Variants in ALKBH1 observed in about 807,000 individuals in gnomAD.
ALKBH1 encodes the protein alkB homolog 1, histone H2A dioxygenase, also known as nucleic acid dioxygenase ALKBH1.
ALKBH1 carries 31 observed loss-of-function variants against 36.6 expected under a neutral mutation model. The ratio of observed to expected loss-of-function variants is 0.85; its 90% CI spans 0.64 to 1.14. The LOEUF (loss-of-function observed/expected upper bound fraction) is 1.14. Among genes scored for constraint, ALKBH1 ranks in the 50% most tolerant of loss-of-function variants. The probability of loss-of-function intolerance (pLI) is 0.00; values close to 1 mark genes in which losing one functional copy is unlikely to be tolerated. For synonymous variants in ALKBH1, 183 were observed against 186.6 expected (o/e 0.98, Z 0.16); for missense variants, 490 against 497.3 (o/e 0.99, Z 0.14).
At chr14:77,707,278 TGA>T (rs956006299) in intron 1 of ALKBH1, among the ~76,000 whole-genome samples, 5 of 152,166 alleles carry the variant, frequency 3.3e-5, no homozygotes, top group Non-Finnish European at 7.3e-5. Flanking sequence ...GGGGAAAAGC[TGA>T]GAGAGAGAAC....
At chr14:77,693,442 A>C (rs919330570) in intron 3 of ALKBH1, among the ~76,000 whole-genome samples, 5 of 152,152 alleles carry the variant, frequency 3.3e-5, no homozygotes, top group Admixed American at 6.6e-5. Flanking sequence ...CTGCCTTTGA[A>C]TCTCTAACAC....
chr14:77,706,048 C>T (rs942100273), intron 1 of ALKBH1, among the ~76,000 whole-genome samples: 2 of 151,778 alleles, frequency 1.3e-5, no homozygotes, highest in Admixed American at 1.3e-4. Context: ...CAGTGAGACG[C>T]TGTCTCAGTA....
At chr14:77,703,760 G>A (rs28603114) in intron 2 of ALKBH1, among the ~76,000 whole-genome samples, 27,139 of 151,676 alleles carry the variant, frequency 0.18, 2,544 homozygotes, top group East Asian at 0.26. Flanking sequence ...ACCATGCCCA[G>A]CTAATTTTTG....
intron 3 of ALKBH1, among the ~76,000 whole-genome samples, chr14:77,685,726 C>T (rs1329676878): frequency 6.6e-6 from 1 of 151,454 alleles, no homozygotes; most frequent in African/African-American, 2.4e-5. Flanking sequence ...CAAGATTGTG[C>T]CACTGCACTC....
intron 2 of ALKBH1, among the ~76,000 whole-genome samples, chr14:77,697,614 A>G (rs1435615172): frequency 2.6e-5 from 4 of 151,400 alleles, no homozygotes; most frequent in Non-Finnish European, 5.9e-5. Context: ...TTATACGTTA[A>G]TAGGTTTGTA....
At chr14:77,677,050 T>TTG (rs2080210221) in intron 4 of ALKBH1, among the ~76,000 whole-genome samples, 1 of 152,112 alleles carries the variant, frequency 6.6e-6, no homozygotes, top group Non-Finnish European at 1.5e-5. Context: ...ATACTCTTTT[T>TTG]TTTTTTTGAG....
chr14:77,697,691 C>T (rs1434443915), intron 2 of ALKBH1, among the ~76,000 whole-genome samples: 1 of 115,128 alleles, frequency 8.7e-6, no homozygotes, highest in East Asian at 2.4e-4. Flanking sequence ...AAATCATTTG[C>T]TGTAATAAAA....
In ALKBH1 at chr14:77,674,082, G is replaced by A. The variant is rs751665359; in HGVS notation, c.900C>T (p.Gly300=). The change falls in exon 6 of 6, where the codon GGC becomes GGT. Residue 300 remains glycine (G), a synonymous_variant. Coordinates refer to ENST00000216489, the MANE Select transcript of ALKBH1 (RefSeq NM_006020.3). The part of the protein sequence containing the change: ...PRVLPNPEGE[G]LPHCLEAPLP... ...GAGGTGCCTCTAGGCAGTGAGGCAG[G>A]CCTTCCCCTTCTGGATTTGGAAGGA... is the stretch of plus-strand genomic sequence containing the variant. The A allele has an allele frequency of 8.7e-6, 14 of 1,614,036 alleles. No individual in the cohort carries two copies. The South Asian group carries it at 1.3e-4, about 15-fold the overall frequency.
rs1387090104 is a variant in ALKBH1 at position 77,708,010 on chromosome 14, G to A, written c.-6C>T. 6.2e-7 allele frequency: 1 copy of A among 1,607,680 alleles called. No individual in the cohort carries two copies. Among genetic ancestry groups the A allele is most frequent in the East Asian group, 2.2e-5 (1 of 44,776 alleles). ...GCCGCTGCCATCTTCCCCATCTCGC[G>A]GCCTATACCCTCTGATCCGGAAGCA... On this transcript the variant is annotated 5_prime_UTR_variant, in exon 1 of 6. Coordinates refer to ENST00000216489, the MANE Select transcript of ALKBH1 (RefSeq NM_006020.3).
chr14:77,690,753 AT>A (rs145197718), intron 3 of ALKBH1, among the ~76,000 whole-genome samples: 18,606 of 146,496 alleles, frequency 0.13, 1,478 homozygotes, highest in African/African-American at 0.22. Flanking sequence ...GCTGTTTTGC[AT>A]TTTTTTTTTC....
Position 77,673,572 on chromosome 14 carries a change from A to G in ALKBH1, c.*240T>C. ...TGGAAGAACATACCTCCTTGGACTG[A>G]CTTCTCAACATACATTACAGCCAAC... is the stretch of plus-strand genomic sequence containing the variant. On this transcript the variant is annotated 3_prime_UTR_variant, in exon 6 of 6. Coordinates refer to ENST00000216489, the MANE Select transcript of ALKBH1 (RefSeq NM_006020.3). 1 of 526,628 alleles carries G rather than the reference A, an allele frequency of 1.9e-6. No homozygotes were observed. Among genetic ancestry groups the G allele is most frequent in the South Asian group, 2.4e-5 (1 of 42,000 alleles). 32.6% of individuals were successfully genotyped at this position (526,628 alleles called of 1,614,324 possible).
intron 1 of ALKBH1, 78 bp downstream of exon 1, chr14:77,707,744 A>G: frequency 8.1e-6 from 12 of 1,489,684 alleles, no homozygotes; most frequent in Non-Finnish European, 1.1e-5. Flanking sequence ...AGGTGAAAAG[A>G]GGCGAAGAAG....
chr14:77,689,126 T>C (rs547321509), intron 3 of ALKBH1, among the ~76,000 whole-genome samples: 1 of 152,210 alleles, frequency 6.6e-6, no homozygotes, highest in Admixed American at 6.5e-5. Flanking sequence ...GCCGTGCCTC[T>C]GACTATACAA....
At chr14:77,675,311 G>A (rs1226428882) in intron 5 of ALKBH1, among the ~76,000 whole-genome samples, 2 of 151,918 alleles carry the variant, frequency 1.3e-5, no homozygotes, top group African/African-American at 4.8e-5. Flanking sequence ...GTGTGCACCT[G>A]TAGTTCCAGC....
At chr14:77,700,839 G>A (rs928025180) in intron 2 of ALKBH1, among the ~76,000 whole-genome samples, 2 of 152,038 alleles carry the variant, frequency 1.3e-5, no homozygotes, top group African/African-American at 4.8e-5. Context: ...TGTAATCCCA[G>A]CACTCTGGGA....
chr14:77,680,814 G>A (rs1293428357), intron 3 of ALKBH1, among the ~76,000 whole-genome samples: 1 of 151,666 alleles, frequency 6.6e-6, no homozygotes, highest in African/African-American at 2.4e-5. Context: ...CAAGTAGCTG[G>A]GATTACAGGC....
At position 77,675,695 on chromosome 14, in the gene ALKBH1, C is replaced by A. The variant is rs755644168; in HGVS notation, c.701G>T (p.Arg234Ile). ...LDSTLGIHVD[R>I]SELDHSKPLL... ...GGGTTTGGAGTGATCTAGCTCAGATCTGTCTACGTGGATTCCCAGTGTGGA... is the reference window on the plus strand; with the variant it reads ...GGGTTTGGAGTGATCTAGCTCAGATATGTCTACGTGGATTCCCAGTGTGGA... Residue 234 changes from arginine to isoleucine, a missense_variant, in exon 5 of 6, where the codon AGA (arginine) becomes ATA (isoleucine). Transcript: ENST00000216489. 2 of 1,614,136 alleles carry A rather than the reference C, an allele frequency of 1.2e-6. No homozygotes were observed. The highest frequency in any genetic ancestry group is 1.7e-6 in the Non-Finnish European group (2 of 1,180,020).
rs1199188001 is a variant in ALKBH1 at position 77,681,640 on chromosome 14, T to C, written c.456-1670A>G. ...GAAGAGACATAGCAGACTTGACTGATGGTCTGCTTACAAAGATGGTCCTTG... is the reference window on the plus strand; with the variant it reads ...GAAGAGACATAGCAGACTTGACTGACGGTCTGCTTACAAAGATGGTCCTTG... On this transcript the variant is annotated intron_variant, in intron 3 of 5. Transcript: ENST00000216489. 3.3e-5 allele frequency among the ~76,000 whole-genome samples: 5 copies of C among 152,368 alleles called. No individual in the cohort carries two copies. In the South Asian group the frequency reaches 6.2e-4, roughly 19 times the overall value.
chr14:77,700,806 A>G (rs916559430), intron 2 of ALKBH1, among the ~76,000 whole-genome samples: 65 of 152,076 alleles, frequency 4.3e-4, no homozygotes, highest in African/African-American at 1.5e-3. Context: ...TCTGCCTCCT[A>G]GCCAGGCACA....
Sources: allele counts gnomAD v4.1 joint callset (sites outside exome capture counted in the v4.1 genomes callset), GRCh38; gene constraint gnomAD v4.1.1; transcripts MANE v1.5; gene names NCBI Gene and HGNC (gene_info 2026-07-23, HGNC 2026-07-21).